The following GMDS variants were observed in gnomAD, a reference collection of about 807,000 sequenced individuals.
GMDS encodes the protein GDP-mannose 4,6 dehydratase.
GMDS carries 20 observed loss-of-function variants against 49.9 expected under a neutral mutation model. The observed-to-expected ratio is 0.40, with a 90% CI of 0.28 to 0.58. GMDS has a LOEUF of 0.58. GMDS is among the 20% of genes least tolerant of loss of function. GMDS has a pLI of 0.42. For synonymous variants in GMDS, 177 were observed against 178.6 expected (o/e 0.99, Z 0.07); for missense variants, 362 against 481.4 (o/e 0.75, Z 2.32).
rs1482079918 is a variant in GMDS, at chr6:2,067,166, TG to T, written c.345+48604del. 2.0e-5 allele frequency among the ~76,000 whole-genome samples: 3 copies of T among 151,500 alleles called. No individual in the cohort carries two copies. The South Asian group carries it at 6.2e-4, about 32-fold the overall frequency. ...GAACAACCTGCTCCTGAATGACTAC[TG>T]GGTACATAACGAAATGAAGGCAGAA... On this transcript the variant is annotated intron_variant, in intron 4 of 10. Coordinates refer to ENST00000380815, the MANE Select transcript of GMDS (RefSeq NM_001500.4).
At chr6:2,037,170 T>C (rs1241117986) in intron 4 of GMDS, among the ~76,000 whole-genome samples, 1 of 152,148 alleles carries the variant, frequency 6.6e-6, no homozygotes, top group East Asian at 1.9e-4. Context: ...TCCCGTGAAC[T>C]GACAATGCCC....
chr6:1,784,624 A>ACTT (rs1769250242), intron 7 of GMDS, among the ~76,000 whole-genome samples: 1 of 152,068 alleles, frequency 6.6e-6, no homozygotes, highest in Non-Finnish European at 1.5e-5. Context: ...TGGTAGAGAA[A>ACTT]CTTTTGGACT....
chr6:1,999,130 T>C (rs966863001), intron 4 of GMDS, among the ~76,000 whole-genome samples: 2 of 152,074 alleles, frequency 1.3e-5, no homozygotes, highest in Non-Finnish European at 2.9e-5. Flanking sequence ...GAGACCAGCC[T>C]GGCCAACATG....
chr6:1,816,222 T>C (rs543697116), intron 7 of GMDS, among the ~76,000 whole-genome samples: 2 of 152,338 alleles, frequency 1.3e-5, no homozygotes, highest in South Asian at 4.1e-4. Context: ...TACTGTGTGC[T>C]TGGCAACATC....
At chr6:1,931,370 A>G (rs1321483774) in intron 6 of GMDS, among the ~76,000 whole-genome samples, 35 of 152,228 alleles carry the variant, frequency 2.3e-4, no homozygotes, top group Admixed American at 2.3e-3. Flanking sequence ...TCAAACATAC[A>G]CCAGATTCAC....
In GMDS at chr6:1,833,545, C is replaced by A. The variant is rs993970559; in HGVS notation, c.772-90959G>T. ...TTTTCTTCCTTTCCCTTCTCCTCCC[C>A]TTCCTGAGGGAACATAACACAAGGT... On this transcript the variant is annotated intron_variant, in intron 7 of 10. Coordinates refer to ENST00000380815, the MANE Select transcript of GMDS (RefSeq NM_001500.4). This position sits in a 1 kb window ranked among gnomAD's most constrained non-coding sequence, Gnocchi z 4.4. 6.6e-6 allele frequency among the ~76,000 whole-genome samples: 1 copy of A among 152,020 alleles called. No homozygotes were observed. The highest frequency in any genetic ancestry group is 1.5e-5 in the Non-Finnish European group (1 of 68,012).
At chr6:2,032,165 C>T (rs146492975) in intron 4 of GMDS, among the ~76,000 whole-genome samples, 4 of 152,136 alleles carry the variant, frequency 2.6e-5, no homozygotes, top group Non-Finnish European at 5.9e-5. Flanking sequence ...AGTTCATCAT[C>T]GGGAAGACAT....
chr6:2,242,892 G>C (rs1186421876), intron 1 of GMDS, among the ~76,000 whole-genome samples: 1 of 152,170 alleles, frequency 6.6e-6, no homozygotes, highest in Admixed American at 6.5e-5. Flanking sequence ...ATAAGGTATG[G>C]ATTTTCAGAC....
At chr6:1,999,989 ATATATATTATATATATATATTTTT>A (rs1766636263) in intron 4 of GMDS, among the ~76,000 whole-genome samples, 1 of 14,770 alleles carries the variant, frequency 6.8e-5, no homozygotes, top group African/African-American at 1.8e-4. Flanking sequence ...TATTTTATAT[ATATATATTATATATATATATTTTT>A]TATATATATA....
chr6:2,124,721 T>G lies in GMDS; in HGVS notation c.113A>C (p.Tyr38Ser). ...TTTCTCCAGCAGGAACTCAGCCAGG[T>G]AGGAACCATCCTGGGGAGAAAGAAA... Reference protein sequence around the residue: ...ITGITGQDGSYLAEFLLEKGY... With the variant: ...ITGITGQDGSSLAEFLLEKGY... Residue 38 changes from tyrosine (Y) to serine (S), a missense_variant, in exon 2 of 11, where the codon TAC becomes TCC. Tyr to Ser is a moderately radical substitution (Grantham distance 144). Transcript: ENST00000380815. 6.2e-7 allele frequency: 1 copy of G among 1,613,420 alleles called. No individual in the cohort carries two copies. The highest frequency in any genetic ancestry group is 8.5e-7 in the Non-Finnish European group (1 of 1,179,556).
intron 4 of GMDS, among the ~76,000 whole-genome samples, chr6:2,089,293 A>G (rs749019759): frequency 9.9e-5 from 15 of 152,200 alleles, no homozygotes; most frequent in Admixed American, 2.0e-4. Context: ...AACCTGATTT[A>G]CTATTGAATT....
At chr6:1,691,015 A>AGG (rs1765149822) in intron 9 of GMDS, among the ~76,000 whole-genome samples, 1 of 152,238 alleles carries the variant, frequency 6.6e-6, no homozygotes, top group Admixed American at 6.5e-5. Flanking sequence ...CTGGGTATAT[A>AGG]CCCAAAGGAA....
At chr6:1,642,087 C>T (rs1763348074) in intron 9 of GMDS, among the ~76,000 whole-genome samples, 1 of 151,988 alleles carries the variant, frequency 6.6e-6, no homozygotes, top group Admixed American at 6.6e-5. Context: ...ACTTGGAACC[C>T]TGCTCTTCAG....
intron 4 of GMDS, among the ~76,000 whole-genome samples, chr6:2,049,314 A>G (rs1770219640): frequency 6.6e-6 from 1 of 152,166 alleles, no homozygotes; most frequent in Non-Finnish European, 1.5e-5. Flanking sequence ...CTGAGATCAT[A>G]TTTTGTTTAC....
chr6:1,714,344 T>C (rs947836086), intron 9 of GMDS, among the ~76,000 whole-genome samples: 1 of 152,058 alleles, frequency 6.6e-6, no homozygotes, highest in African/African-American at 2.4e-5. Context: ...TTAAAAAATG[T>C]TGTTCTAAAT....
intron 1 of GMDS, among the ~76,000 whole-genome samples, chr6:2,203,325 C>T (rs1779638048): frequency 6.6e-6 from 1 of 152,104 alleles, no homozygotes; most frequent in African/African-American, 2.4e-5. Flanking sequence ...TTATGAAAAA[C>T]AATTCTCCAA....
intron 4 of GMDS, among the ~76,000 whole-genome samples, chr6:1,985,836 C>A (rs907805610): frequency 1.3e-5 from 2 of 152,178 alleles, no homozygotes; most frequent in Non-Finnish European, 2.9e-5. Flanking sequence ...AAACCGAGAT[C>A]TTCAAGAACT....
intron 9 of GMDS, among the ~76,000 whole-genome samples, chr6:1,655,832 G>A (rs923792009): frequency 1.3e-5 from 2 of 152,120 alleles, no homozygotes; most frequent in African/African-American, 2.4e-5. Flanking sequence ...ATACAAAACC[G>A]GAGACAAGAG....
intron 1 of GMDS, among the ~76,000 whole-genome samples, chr6:2,170,030 C>T (rs140794823): frequency 0.015 from 2,253 of 152,224 alleles, 65 homozygotes; most frequent in African/African-American, 0.051. Flanking sequence ...ATAAAGAAAC[C>T]CCATCTCTAT....
Sources: gnomAD v4.1 joint callset for allele counts (sites outside exome capture counted in the v4.1 genomes callset) on GRCh38, gnomAD v4.1.1 for gene constraint, Gnocchi (gnomAD v3.1) non-coding constraint, MANE v1.5 for transcripts, NCBI Gene and HGNC (gene_info 2026-07-23, HGNC 2026-07-21) for gene names.